Variants in ANKRD17 observed in about 807,000 individuals in gnomAD.
ANKRD17 encodes ankyrin repeat domain-containing protein 17.
ANKRD17 carries 19 observed loss-of-function variants against 229.7 expected under a neutral mutation model. The observed-to-expected ratio is 0.08, with a 90% CI of 0.06 to 0.12. ANKRD17 has a LOEUF of 0.12. Among genes scored for constraint, ANKRD17 ranks in the 10% least tolerant of loss-of-function variants. The probability of loss-of-function intolerance (pLI) is 1.00; values close to 1 mark genes in which losing one functional copy is unlikely to be tolerated. For synonymous variants in ANKRD17, 1,112 were observed against 1,146.1 expected, an observed-to-expected ratio of 0.97 and a Z score of 0.60; for missense variants, 2,176 against 3,176.8, an observed-to-expected ratio of 0.68 and a Z score of 7.57.
chr4:73,240,541 C>T (rs1297472106), intron 1 of ANKRD17, among the ~76,000 whole-genome samples: 1 of 151,916 alleles, frequency 6.6e-6, no homozygotes, highest in Non-Finnish European at 1.5e-5. Context: ...GGGAGGAACA[C>T]TTGAGCCCAG....
Position 73,142,294 on chromosome 4 carries a change from G to T in ANKRD17, c.2177C>A (p.Ala726Asp). The T allele has an allele frequency of 1.9e-6, 3 of 1,560,108 alleles. No individual in the cohort carries two copies. Among genetic ancestry groups the T allele is most frequent in the Non-Finnish European group, 2.6e-6 (3 of 1,165,986 alleles). Residue 726 changes from alanine (A) to aspartate (D), a missense_variant, in exon 13 of 34, where the codon GCC (alanine) becomes GAC (aspartate). By Grantham distance (126) the Ala-to-Asp change is moderately radical. Transcript: ENST00000358602. ...TAACTGAGTGACATCTGGTGGAGGG[G>T]CTGAAAGCAAGTTATTAGGATAATC... ...LLDYPNNLLS[A>D]PPPDVTQLTP...
chr4:73,131,247 CAG>C (rs1177606031), intron 16 of ANKRD17, among the ~76,000 whole-genome samples: 6 of 152,270 alleles, frequency 3.9e-5, no homozygotes, highest in Admixed American at 2.0e-4. Context: ...AGTTGTGTAG[CAG>C]AGAGTTGAAG....
chr4:73,204,644 A>G (rs895094855), intron 1 of ANKRD17, among the ~76,000 whole-genome samples: 5 of 152,134 alleles, frequency 3.3e-5, no homozygotes, highest in Non-Finnish European at 5.9e-5. Flanking sequence ...TCCTCATTTA[A>G]GAAAATATCT....
In ANKRD17 at chr4:73,091,168, G is replaced by T. The variant is rs779961141; in HGVS notation, c.6460C>A (p.Pro2154Thr). 1 of 1,614,022 alleles carries T rather than the reference G, an allele frequency of 6.2e-7. No homozygotes were observed. The highest frequency in any genetic ancestry group is 1.3e-5 in the African/African-American group (1 of 74,904). ...SAPVAVPSTA[P>T]VTYPMPQTPM... ...GTCTGAGGCATAGGGTAAGTCACTG[G>T]GGCAGTAGAAGGCACCGCCACTGGA... Residue 2154 changes from proline to threonine, a missense_variant, in exon 29 of 34, where the codon CCA (proline) becomes ACA (threonine). Coordinates refer to ENST00000358602, the MANE Select transcript of ANKRD17 (RefSeq NM_032217.5).
At chr4:73,149,672 G>A (rs1245553742) in intron 7 of ANKRD17, among the ~76,000 whole-genome samples, 3 of 152,026 alleles carry the variant, frequency 2.0e-5, no homozygotes, top group East Asian at 3.9e-4. Context: ...TTTGAGCCAG[G>A]CCTGGGCAAA....
rs141962444 is a variant in ANKRD17 at position 73,127,978 on chromosome 4, G to C, written c.3235-2666C>G. On this transcript the variant is annotated intron_variant, in intron 16 of 33. Transcript: ENST00000358602. ...AGACGGCAAAAGCTGCTCTGCAGAA[G>C]AGGCTGGCAGAGAGCAGAGCTACTG... 1.9e-3 allele frequency among the ~76,000 whole-genome samples: 286 copies of C among 152,324 alleles called. 7 individuals carry two copies. The highest frequency in any genetic ancestry group is 0.018 in the Admixed American group (274 of 15,298).
chr4:73,085,437 T>A lies in ANKRD17; in HGVS notation c.6971A>T (p.Asn2324Ile). Residue 2324 changes from asparagine (N) to isoleucine (I), a missense_variant, in exon 30 of 34, where the codon AAT becomes ATT. Asn to Ile is a moderately radical substitution (Grantham distance 149, BLOSUM62 -3). This residue lies in a region of ANKRD17 where 424 missense variants were observed against 454.0 expected (regional missense o/e 0.93). Transcript: ENST00000358602. The stretch of plus-strand genomic sequence containing the variant: ...TACAGAACCATATGGCGAGTCCATA[T>A]TGACAATACCTATAATGTAGAAGGT... ...RPAPSPSGIV[N>I]MDSPYGSVTP... 6.2e-7 allele frequency: 1 copy of A among 1,613,460 alleles called. No individual in the cohort carries two copies. The highest frequency in any genetic ancestry group is 8.5e-7 in the Non-Finnish European group (1 of 1,179,404).
chr4:73,118,264 G>A (rs1024238388), intron 22 of ANKRD17, among the ~76,000 whole-genome samples: 1 of 152,052 alleles, frequency 6.6e-6, no homozygotes, highest in Admixed American at 6.6e-5. Flanking sequence ...ACAGGCATGA[G>A]CCACCATGCG....
At chr4:73,215,353 G>A (rs1334310816) in intron 1 of ANKRD17, among the ~76,000 whole-genome samples, 6 of 151,878 alleles carry the variant, frequency 4.0e-5, no homozygotes, top group Non-Finnish European at 8.8e-5. Context: ...TCCGCCTCGC[G>A]GGTTCAAGTG....
chr4:73,205,032 GC>G (rs1479200756), intron 1 of ANKRD17, among the ~76,000 whole-genome samples: 1 of 152,072 alleles, frequency 6.6e-6, no homozygotes, highest in African/African-American at 2.4e-5. Context: ...CTACAAAGCA[GC>G]CCAGGCAGGG....
chr4:73,191,381 GTGTGTA>G (rs1386354970), intron 1 of ANKRD17, among the ~76,000 whole-genome samples: 4 of 150,942 alleles, frequency 2.7e-5, no homozygotes, highest in Admixed American at 6.6e-5. Context: ...GTGTGTGTGT[GTGTGTA>G]TCTCCAGATG....
At chr4:73,203,759 A>T (rs1204478372) in intron 1 of ANKRD17, among the ~76,000 whole-genome samples, 26 of 9,736 alleles carry the variant, frequency 2.7e-3, no homozygotes, top group Middle Eastern at 0.17. Context: ...ACTCCGTCTC[A>T]AAAAAAAAAA....
chr4:73,144,778 G>T lies in ANKRD17; in HGVS notation c.1924C>A (p.His642Asn). The T allele has an allele frequency of 6.2e-7, 1 of 1,604,312 alleles. No individual in the cohort carries two copies. Among genetic ancestry groups the T allele is most frequent in the South Asian group, 1.1e-5 (1 of 88,860 alleles). Residue 642 changes from histidine to asparagine, a missense_variant, in exon 11 of 34, where the codon CAT (histidine) becomes AAT (asparagine). By Grantham distance (68) the His-to-Asn change is moderately conservative (BLOSUM62 1). Around this residue, in one of 18 missense-constraint regions of ANKRD17, gnomAD observed 275 missense variants for 386.9 expected, o/e 0.71. Transcript: ENST00000358602. ...TPLMKAARAG[H>N]VCTVQFLISK... ...ATTAAGAACTGAACAGTACAAACAT[G>T]ACCAGCTCTTGCAGCTTTCATTAAA...
At chr4:73,102,777 TAAAC>T (rs1724166810) in intron 24 of ANKRD17, 6 of 467,814 alleles carry the variant, frequency 1.3e-5, no homozygotes, top group Non-Finnish European at 2.2e-5. Context: ...GGGTAAATAA[TAAAC>T]AGATACATAG....
chr4:73,156,741 G>A (rs1019664761), intron 3 of ANKRD17, among the ~76,000 whole-genome samples: 6 of 152,018 alleles, frequency 3.9e-5, no homozygotes, highest in African/African-American at 1.2e-4. Context: ...CACCATGATT[G>A]TAAGTTTTCT....
intron 30 of ANKRD17, among the ~76,000 whole-genome samples, chr4:73,084,329 G>A (rs1721883343): frequency 6.6e-6 from 1 of 152,028 alleles, no homozygotes; most frequent in African/African-American, 2.4e-5. Flanking sequence ...GTGACAGAGT[G>A]AGACTCCATT....
At chr4:73,173,537 AG>A (rs1734321971) in intron 2 of ANKRD17, among the ~76,000 whole-genome samples, 1 of 152,228 alleles carries the variant, frequency 6.6e-6, no homozygotes, top group Non-Finnish European at 1.5e-5. Context: ...GAACCACTGC[AG>A]GAACATTACC....
At chr4:73,163,331 C>T (rs1488647936) in intron 2 of ANKRD17, among the ~76,000 whole-genome samples, 1 of 152,064 alleles carries the variant, frequency 6.6e-6, no homozygotes, top group African/African-American at 2.4e-5. Flanking sequence ...ATTACAGAAC[C>T]CTGCTATCCA....
intron 1 of ANKRD17, among the ~76,000 whole-genome samples, chr4:73,224,147 T>C (rs946394581): frequency 1.3e-5 from 2 of 152,142 alleles, no homozygotes; most frequent in African/African-American, 2.4e-5. Context: ...TCCCAGCTAC[T>C]CAGGTGGCTG....
Sources: gnomAD v4.1 joint callset for allele counts (sites outside exome capture counted in the v4.1 genomes callset) on GRCh38, gnomAD v4.1.1 for gene constraint, gnomAD v4.1.1 regional missense constraint, MANE v1.5 for transcripts, NCBI Gene and HGNC (gene_info 2026-07-23, HGNC 2026-07-21) for gene names.